The following SART3 variants were observed in gnomAD, a reference collection of about 807,000 sequenced individuals.
The protein encoded by SART3 is spliceosome associated factor 3, U4/U6 recycling protein.
SART3 carries 44 observed loss-of-function variants against 122.3 expected under a neutral mutation model. The observed-to-expected ratio is 0.36, with a 90% CI of 0.28 to 0.46. SART3 has a LOEUF of 0.46. SART3 is among the 20% of genes least tolerant of loss of function. The pLI is 1.00. For missense variants in SART3, 1,101 were observed against 1,229.0 expected, an observed-to-expected ratio of 0.90 and a Z score of 1.56; for synonymous variants, 442 against 454.0, an observed-to-expected ratio of 0.97 and a Z score of 0.34.
chr12:108,541,236 G>A (rs563208679), intron 6 of SART3, among the ~76,000 whole-genome samples: 30 of 151,918 alleles, frequency 2.0e-4, no homozygotes, highest in Non-Finnish European at 3.5e-4. Flanking sequence ...GCGAAACCCC[G>A]TCTCTACTAA....
chr12:108,549,701 A>G (rs2029915519), intron 1 of SART3, among the ~76,000 whole-genome samples: 1 of 152,016 alleles, frequency 6.6e-6, no homozygotes, highest in Admixed American at 6.6e-5. Flanking sequence ...ACACTGTAAG[A>G]CCTCTTTTAT....
intron 1 of SART3, among the ~76,000 whole-genome samples, chr12:108,554,884 T>A (rs2030152047): frequency 6.6e-6 from 1 of 152,070 alleles, no homozygotes. Context: ...AAAACTCATC[T>A]ACAAACAAAT....
intron 11 of SART3, 83 bp downstream of exon 11, chr12:108,536,431 T>C: frequency 7.4e-7 from 1 of 1,353,904 alleles, no homozygotes; most frequent in Non-Finnish European, 1.1e-6. Flanking sequence ...TATCTGGGAT[T>C]CTGACTCAAT....
intron 12 of SART3, among the ~76,000 whole-genome samples, chr12:108,533,039 T>G (rs1872753842): frequency 6.6e-6 from 1 of 152,248 alleles, no homozygotes; most frequent in Non-Finnish European, 1.5e-5. Context: ...ATAACTGTTA[T>G]GCAACAGTGT....
intron 1 of SART3, among the ~76,000 whole-genome samples, chr12:108,553,025 C>T (rs2030072577): frequency 6.6e-6 from 1 of 151,896 alleles, no homozygotes; most frequent in Non-Finnish European, 1.5e-5. Flanking sequence ...AGTAACAGAC[C>T]CACACAAATA....
Position 108,560,861 on chromosome 12 carries a change from A to T in SART3, c.294T>A (p.Ile98=). 1 of 1,597,028 alleles carries T rather than the reference A, an allele frequency of 6.3e-7. No individual in the cohort carries two copies. Among genetic ancestry groups the T allele is most frequent in the Non-Finnish European group, 8.6e-7 (1 of 1,168,532 alleles). The change falls in exon 1 of 19, where the codon ATT becomes ATA. Residue 98 remains isoleucine (I), a synonymous_variant. Transcript: ENST00000546815. ...DEEEEKNQLE[I]ERLEEQLSIN... ...GGCCCACCTGCTCCTCCAGTCTCTC[A>T]ATCTCCAGCTGGTTTTTCTCCTCCT... is the stretch of plus-strand genomic sequence containing the variant.
At chr12:108,550,437 G>A (rs1253384845) in intron 1 of SART3, among the ~76,000 whole-genome samples, 1 of 152,214 alleles carries the variant, frequency 6.6e-6, no homozygotes, top group Non-Finnish European at 1.5e-5. Context: ...AAAGAGAACT[G>A]AAATGGAAGA....
At chr12:108,528,056 C>T (rs1479244462) in intron 15 of SART3, among the ~76,000 whole-genome samples, 6 of 152,134 alleles carry the variant, frequency 3.9e-5, no homozygotes, top group South Asian at 2.1e-4. Flanking sequence ...TGAGCTACCG[C>T]GCCCAGCCAC....
At chr12:108,543,249 CCCACATCT>C in intron 5 of SART3, 97 bp from the exon 6 acceptor site, 1 of 1,416,114 alleles carries the variant, frequency 7.1e-7, no homozygotes, top group Non-Finnish European at 9.7e-7. Context: ...ACTAGCCCCT[CCCACATCT>C]GTGGCATGGC....
At position 108,540,685 on chromosome 12, in the gene SART3, T is replaced by A. The variant is rs982998843; in HGVS notation, c.907-1596A>T. ...AAGATCCTCTTGAAGAGGAAAAAGG[T>A]GGATGGGACTCACCCTATCCAAGAG... On this transcript the variant is annotated intron_variant, in intron 6 of 18. Coordinates refer to ENST00000546815, the MANE Select transcript of SART3 (RefSeq NM_014706.4). Among the ~76,000 whole-genome samples the A allele has an allele frequency of 4.2e-5, 6 of 143,872 alleles. No individual in the cohort carries two copies. In the East Asian group the frequency reaches 1.2e-3, roughly 29 times the overall value. 94.4% of individuals were successfully genotyped at this position (143,872 alleles called of 152,430 possible). A position where few individuals can be genotyped will look rare whatever the true frequency, so the allele number is the denominator to read the frequency against.
chr12:108,536,446 ATTAAAG>A, intron 11 of SART3, 62 bp downstream of exon 11: 1 of 1,494,824 alleles, frequency 6.7e-7, no homozygotes, highest in Non-Finnish European at 9.3e-7. Context: ...CTCAATTTTA[ATTAAAG>A]TTTAATAGGA....
At chr12:108,543,241 T>C (rs763558843) in intron 5 of SART3, 89 bp from the exon 6 acceptor site, 8 of 1,480,524 alleles carry the variant, frequency 5.4e-6, no homozygotes, top group South Asian at 1.2e-5. Flanking sequence ...CAGGTGCCAC[T>C]AGCCCCTCCC....
chr12:108,531,977 C>T lies in SART3; in HGVS notation c.1669+245G>A, dbSNP rs551970106. 1.2e-5 allele frequency: 6 copies of T among 486,136 alleles called. No homozygotes were observed. The East Asian group carries it at 2.0e-4, about 16-fold the overall frequency. 30.1% of individuals were successfully genotyped at this position (486,136 alleles called of 1,614,324 possible). On this transcript the variant is annotated intron_variant, in intron 13 of 18. Transcript: ENST00000546815. ...CCTAAACATTGTATAACGCACAGTC[C>T]CCCCCACAGAGAATTAGAACCCTGT...
chr12:108,549,772 T>C (rs1444263244), intron 1 of SART3, among the ~76,000 whole-genome samples: 3 of 152,108 alleles, frequency 2.0e-5, no homozygotes, highest in Non-Finnish European at 2.9e-5. Context: ...TCCCAGCACT[T>C]TGGGAGGCCG....
rs1872741917 is a variant in SART3 at position 108,532,834 on chromosome 12, A to T, written c.1557-500T>A. Among the ~76,000 whole-genome samples, 5 of 151,816 alleles carry T rather than the reference A, an allele frequency of 3.3e-5. No homozygotes were observed. In the South Asian group the frequency reaches 1.0e-3, roughly 32 times the overall value. ...AATAGCACGATCTCGGCTCACTCCA[A>T]CCTCTGTCTCCCAGGTTCAGGCAAT... On this transcript the variant is annotated intron_variant, in intron 12 of 18. Transcript: ENST00000546815.
At position 108,561,172 on chromosome 12, in the gene SART3, T is replaced by A. The variant is rs771701028; in HGVS notation, c.-18A>T. 6.2e-7 allele frequency: 1 copy of A among 1,602,708 alleles called. No individual in the cohort carries two copies. Among genetic ancestry groups the A allele is most frequent in the East Asian group, 2.2e-5 (1 of 44,470 alleles). On this transcript the variant is annotated 5_prime_UTR_variant, in exon 1 of 19. Coordinates refer to ENST00000546815, the MANE Select transcript of SART3 (RefSeq NM_014706.4). ...GTCGCCATCTTGCGCTTCTAATGAC[T>A]CTCGGGTCTTCCCGCGGCCGCCGAA...
In SART3 at chr12:108,560,933, G is replaced by T. The variant is rs776653159; in HGVS notation, c.222C>A (p.Ser74=). The change falls in exon 1 of 19, where the codon TCC becomes TCA. Residue 74 remains serine (S), a synonymous_variant. Transcript: ENST00000546815. ...ESDGDEYAMA[S]SAESSPGEYE... is the part of the protein sequence containing the mutation. ...ACTCCCCGGGGGAGCTCTCCGCGGA[G>T]GAAGCCATGGCGTACTCATCCCCAT... 6.2e-7 allele frequency: 1 copy of T among 1,613,950 alleles called. No homozygotes were observed. The highest frequency in any genetic ancestry group is 8.5e-7 in the Non-Finnish European group (1 of 1,179,936).
chr12:108,526,375 G>A lies in SART3; in HGVS notation c.2094C>T (p.Asp698=), dbSNP rs1872381787. Reference sequence around the variant, plus strand: ...AGACGGTGATGCTGTCCTTGCTGCTGTCGTGCAGCACCTTGGGCATGTCCC... The same window carrying A: ...AGACGGTGATGCTGTCCTTGCTGCTATCGTGCAGCACCTTGGGCATGTCCC... ...LKRDMPKVLH[D]SSKDSITVFV... is the part of the protein sequence containing the mutation. The change falls in exon 16 of 19, where the codon GAC becomes GAT. Residue 698 remains aspartate, a synonymous_variant. Coordinates refer to ENST00000546815, the MANE Select transcript of SART3 (RefSeq NM_014706.4). 2 of 1,613,872 alleles carry A rather than the reference G, an allele frequency of 1.2e-6. No individual in the cohort carries two copies. Among genetic ancestry groups the A allele is most frequent in the Non-Finnish European group, 1.7e-6 (2 of 1,179,776 alleles).
chr12:108,538,354 A>C (rs745627011), intron 7 of SART3, 151 bp from the exon 8 acceptor site: 5 of 916,142 alleles, frequency 5.5e-6, no homozygotes, highest in African/African-American at 1.7e-5. Flanking sequence ...AAAAATCACT[A>C]AGGGGAGTGG....
Sources: gnomAD v4.1 joint callset for allele counts (sites outside exome capture counted in the v4.1 genomes callset) on GRCh38, gnomAD v4.1.1 for gene constraint, MANE v1.5 for transcripts, NCBI Gene and HGNC (gene_info 2026-07-23, HGNC 2026-07-21) for gene names.